GALNT13: variants seen among roughly 807,000 people sequenced by gnomAD.
The protein encoded by GALNT13 is UDP-GalNAc:polypeptide N-acetylgalactosaminyltransferase 13.
Under a neutral mutation model 64.2 loss-of-function variants are expected in GALNT13, and 28 were observed. The ratio of observed to expected loss-of-function variants is 0.44; its 90% CI spans 0.32 to 0.60. The LOEUF (loss-of-function observed/expected upper bound fraction) is 0.60. Among genes scored for constraint, GALNT13 ranks in the 20% least tolerant of loss-of-function variants. GALNT13 has a pLI of 0.05. For synonymous variants in GALNT13, 214 were observed against 224.6 expected (o/e 0.95, Z 0.42); for missense variants, 577 against 669.8 (o/e 0.86, Z 1.53).
chr2:153,328,132 G>T, the GALNT13 span, among the ~76,000 whole-genome samples: 27 of 152,290 alleles, frequency 1.8e-4, no homozygotes, highest in South Asian at 5.4e-3. Context: ...ACCAGCAGAG[G>T]CTGCAGAACA....
the GALNT13 span, among the ~76,000 whole-genome samples, chr2:153,770,458 A>G: frequency 6.6e-6 from 1 of 152,160 alleles, no homozygotes; most frequent in South Asian, 2.1e-4. Flanking sequence ...ATGAGGCTGA[A>G]GCGATATTGG....
chr2:154,070,814 G>A (rs975854447), intron 3 of GALNT13, among the ~76,000 whole-genome samples: 9 of 151,968 alleles, frequency 5.9e-5, no homozygotes, highest in African/African-American at 1.9e-4. Flanking sequence ...CTCCTTGGGA[G>A]GCTGAGGCAG....
At chr2:154,399,578 T>G (rs1445598876) in intron 10 of GALNT13, among the ~76,000 whole-genome samples, 1 of 152,126 alleles carries the variant, frequency 6.6e-6, no homozygotes, top group Non-Finnish European at 1.5e-5. Flanking sequence ...CTTACACACT[T>G]CCTAAAAGTC....
chr2:153,345,723 T>G, the GALNT13 span, among the ~76,000 whole-genome samples: 3,841 of 82,582 alleles, frequency 0.047, 128 homozygotes, highest in African/African-American at 0.067. Flanking sequence ...CTTTCTGTCC[T>G]TCCTTCCTTC....
chr2:154,376,757 C>G (rs1698016790), intron 9 of GALNT13, among the ~76,000 whole-genome samples: 1 of 151,978 alleles, frequency 6.6e-6, no homozygotes, highest in Non-Finnish European at 1.5e-5. Context: ...ATATGTAGGA[C>G]AGTATTATTC....
the GALNT13 span, among the ~76,000 whole-genome samples, chr2:153,572,707 C>A: frequency 6.6e-6 from 1 of 151,892 alleles, no homozygotes; most frequent in Non-Finnish European, 1.5e-5. Flanking sequence ...ACCCACTGGT[C>A]GTTCAGGAGC....
chr2:154,106,309 G>T (rs1702612859), intron 3 of GALNT13, among the ~76,000 whole-genome samples: 1 of 151,920 alleles, frequency 6.6e-6, no homozygotes, highest in African/African-American at 2.4e-5. Flanking sequence ...TTTTAGTTTT[G>T]CATTTTTATA....
At chr2:154,110,197 G>T (rs187396038) in intron 3 of GALNT13, among the ~76,000 whole-genome samples, 2 of 146,178 alleles carry the variant, frequency 1.4e-5, no homozygotes, top group African/African-American at 5.0e-5. Context: ...TGTTGTTGTT[G>T]TTGTTTTAGT....
At chr2:153,780,427 T>G in the GALNT13 span, among the ~76,000 whole-genome samples, 2 of 151,974 alleles carry the variant, frequency 1.3e-5, no homozygotes, top group African/African-American at 4.8e-5. Context: ...TCCTTGCTTA[T>G]GTCTAATCTC....
At chr2:154,349,601 C>T (rs1391081239) in intron 9 of GALNT13, among the ~76,000 whole-genome samples, 1 of 152,172 alleles carries the variant, frequency 6.6e-6, no homozygotes, top group Non-Finnish European at 1.5e-5. Flanking sequence ...TGGCAATTTA[C>T]TATGATATCA....
At chr2:153,422,794 TAAATG>T in the GALNT13 span, among the ~76,000 whole-genome samples, 1 of 151,978 alleles carries the variant, frequency 6.6e-6, no homozygotes, top group South Asian at 2.1e-4. Flanking sequence ...CCTATTAAAA[TAAATG>T]AAATTAAATC....
chr2:153,678,453 C>T, the GALNT13 span, among the ~76,000 whole-genome samples: 5 of 152,014 alleles, frequency 3.3e-5, no homozygotes, highest in South Asian at 8.3e-4. Flanking sequence ...TGCATATTCT[C>T]ACTTATATGC....
At chr2:154,413,291 C>G (rs1007434405) in intron 11 of GALNT13, among the ~76,000 whole-genome samples, 1 of 151,868 alleles carries the variant, frequency 6.6e-6, no homozygotes, top group Non-Finnish European at 1.5e-5. Context: ...CTTCTGAAGT[C>G]CGATTAGTCA....
chr2:153,550,131 G>A, the GALNT13 span, among the ~76,000 whole-genome samples: 2 of 152,122 alleles, frequency 1.3e-5, no homozygotes, highest in Non-Finnish European at 2.9e-5. Context: ...GGCTTCACAA[G>A]ATGGCAGCTA....
chr2:154,152,465 C>T lies in GALNT13; in HGVS notation c.311+11960C>T, dbSNP rs577957380. On this transcript the variant is annotated intron_variant, in intron 4 of 12. Coordinates refer to ENST00000392825, the MANE Select transcript of GALNT13 (RefSeq NM_052917.4). ...TGGCGTTCTCTGTATTTCCTGAATC[C>T]AAATGTTGGCCTGCCTTGCTAGATT... Among the ~76,000 whole-genome samples the T allele has an allele frequency of 5.1e-4, 78 of 152,102 alleles. 1 individual carries two copies. The highest frequency in any genetic ancestry group is 3.5e-3 in the South Asian group (17 of 4,818).
intron 3 of GALNT13, among the ~76,000 whole-genome samples, chr2:154,086,123 T>G (rs1175809008): frequency 3.4e-5 from 5 of 148,284 alleles, no homozygotes; most frequent in African/African-American, 1.2e-4. Flanking sequence ...TATTATGTGA[T>G]TATATATCAT....
chr2:153,470,627 G>A, the GALNT13 span, among the ~76,000 whole-genome samples: 1 of 152,094 alleles, frequency 6.6e-6, no homozygotes, highest in Non-Finnish European at 1.5e-5. Context: ...TGATGCACCT[G>A]TATCCTGGAA....
chr2:153,491,512 C>T, the GALNT13 span, among the ~76,000 whole-genome samples: 7,926 of 152,026 alleles, frequency 0.052, 693 homozygotes, highest in African/African-American at 0.18. Flanking sequence ...CCTGTGAGAA[C>T]AAGAACAGTA....
chr2:153,845,520 G>A, the GALNT13 span, among the ~76,000 whole-genome samples: 2 of 152,174 alleles, frequency 1.3e-5, no homozygotes, highest in African/African-American at 4.8e-5. Flanking sequence ...CCATTCATGA[G>A]GGATCTGTCC....
Sources: gnomAD v4.1 joint callset for allele counts (sites outside exome capture counted in the v4.1 genomes callset) on GRCh38, gnomAD v4.1.1 for gene constraint, MANE v1.5 for transcripts, NCBI Gene and HGNC (gene_info 2026-07-23, HGNC 2026-07-21) for gene names.